Variants in CNTN4 observed in about 807,000 individuals in gnomAD.
The protein encoded by CNTN4 is contactin-4.
A neutral mutation model predicts 122.5 loss-of-function variants in CNTN4; 77 were observed. The ratio of observed to expected loss-of-function variants is 0.63; its 90% confidence interval spans 0.52 to 0.76. CNTN4 has a LOEUF of 0.76. CNTN4 is among the 30% of genes least tolerant of loss of function. The pLI is 0.00. For missense variants in CNTN4, 1,256 were observed against 1,259.1 expected, an observed-to-expected ratio of 1.00 and a Z score of 0.04; for synonymous variants, 512 against 447.0, an observed-to-expected ratio of 1.15 and a Z score of -1.83.
chr3:2,363,272 G>T (rs1236236376), intron 3 of CNTN4, among the ~76,000 whole-genome samples: 1 of 152,118 alleles, frequency 6.6e-6, no homozygotes, highest in African/African-American at 2.4e-5. Flanking sequence ...AACATTCATT[G>T]GTTGTTTACC....
chr3:2,983,087 G>A (rs749757581), intron 13 of CNTN4, among the ~76,000 whole-genome samples: 4 of 151,292 alleles, frequency 2.6e-5, no homozygotes, highest in African/African-American at 7.3e-5. Flanking sequence ...GGTGGCGGGT[G>A]CCTGTAGTCC....
At chr3:2,567,930 C>T (rs1406315587) in intron 3 of CNTN4, among the ~76,000 whole-genome samples, 1 of 152,138 alleles carries the variant, frequency 6.6e-6, no homozygotes, top group African/African-American at 2.4e-5. Context: ...AAACTTACTG[C>T]ACACATTGCA....
At chr3:3,011,330 G>C (rs894002048) in intron 14 of CNTN4, among the ~76,000 whole-genome samples, 1 of 152,150 alleles carries the variant, frequency 6.6e-6, no homozygotes, top group African/African-American at 2.4e-5. Flanking sequence ...CTATCAGTGA[G>C]CTGGTTTAGT....
chr3:2,776,459 G>A (rs1293626884), intron 6 of CNTN4, among the ~76,000 whole-genome samples: 2 of 152,042 alleles, frequency 1.3e-5, no homozygotes, highest in African/African-American at 2.4e-5. Flanking sequence ...AAATAAGGTA[G>A]GAAATTAATC....
chr3:2,243,636 G>A (rs1162537470), intron 2 of CNTN4, among the ~76,000 whole-genome samples: 1 of 152,068 alleles, frequency 6.6e-6, no homozygotes, highest in African/African-American at 2.4e-5. Context: ...AAGCTTATTA[G>A]TAATGAGTAA....
chr3:2,887,141 A>T lies in CNTN4; in HGVS notation c.857A>T (p.Gln286Leu), dbSNP rs1321317067. 6.2e-7 allele frequency: 1 copy of T among 1,614,058 alleles called. No homozygotes were observed. The highest frequency in any genetic ancestry group is 8.5e-7 in the Non-Finnish European group (1 of 1,180,026). Residue 286 changes from glutamine (Q) to leucine (L), a missense_variant, in exon 10 of 25, where the codon CAG becomes CTG. Transcript: ENST00000418658. ...SNGILEIPNFQQEDAGLYECV... is the reference protein window; with the variant it reads ...SNGILEIPNFLQEDAGLYECV... The stretch of plus-strand genomic sequence containing the variant: ...GGAATTCTTGAGATCCCTAATTTTC[A>T]GCAGGAGGATGCTGGTTTATATGAA...
At chr3:2,447,949 C>A (rs1286837304) in intron 3 of CNTN4, among the ~76,000 whole-genome samples, 19 of 151,988 alleles carry the variant, frequency 1.3e-4, no homozygotes, top group Non-Finnish European at 2.9e-5. Context: ...ATATTCAATT[C>A]ATAAAAAAGA....
chr3:2,497,953 C>G (rs1008053127), intron 3 of CNTN4, among the ~76,000 whole-genome samples: 9 of 152,170 alleles, frequency 5.9e-5, no homozygotes, highest in African/African-American at 2.2e-4. Flanking sequence ...TACTCTTTTT[C>G]TCTACCTTTC....
chr3:2,602,684 A>T (rs917428811), intron 4 of CNTN4, among the ~76,000 whole-genome samples: 2 of 152,198 alleles, frequency 1.3e-5, no homozygotes, highest in Non-Finnish European at 2.9e-5. Flanking sequence ...TTATAGATTC[A>T]ATGTCATCCC....
chr3:2,935,070 AG>A (rs2094556438), intron 13 of CNTN4, among the ~76,000 whole-genome samples: 2 of 152,186 alleles, frequency 1.3e-5, no homozygotes, highest in Admixed American at 1.3e-4. Flanking sequence ...CAGAATCCAC[AG>A]GCCCAGTCCT....
At chr3:2,332,488 G>C (rs2043772114) in intron 2 of CNTN4, among the ~76,000 whole-genome samples, 1 of 152,034 alleles carries the variant, frequency 6.6e-6, no homozygotes, top group Non-Finnish European at 1.5e-5. Flanking sequence ...CTTAAGAAGA[G>C]TAACTTCTGT....
intron 4 of CNTN4, among the ~76,000 whole-genome samples, chr3:2,580,882 A>G (rs1436465344): frequency 9.2e-5 from 14 of 152,208 alleles, no homozygotes; most frequent in Non-Finnish European, 1.5e-5. Flanking sequence ...TGACCTACCA[A>G]TAAAACCAGA....
At chr3:2,272,669 C>T (rs531574501) in intron 2 of CNTN4, among the ~76,000 whole-genome samples, 44 of 152,218 alleles carry the variant, frequency 2.9e-4, no homozygotes, top group African/African-American at 1.0e-3. Flanking sequence ...TTTCCATAGG[C>T]GTCTTTGAGC....
intron 3 of CNTN4, among the ~76,000 whole-genome samples, chr3:2,340,702 T>G (rs1306660892): frequency 0.019 from 266 of 14,294 alleles, 3 homozygotes; most frequent in Middle Eastern, 0.1. Flanking sequence ...TATATATATA[T>G]ATATATATAG....
At chr3:2,245,111 C>T (rs1032743608) in intron 2 of CNTN4, among the ~76,000 whole-genome samples, 1 of 151,970 alleles carries the variant, frequency 6.6e-6, no homozygotes, top group Admixed American at 6.6e-5. Context: ...AAATTTATCA[C>T]TGTTTCAAAC....
At chr3:2,134,114 C>T (rs66874548) in intron 2 of CNTN4, among the ~76,000 whole-genome samples, 8,775 of 152,232 alleles carry the variant, frequency 0.058, 440 homozygotes, top group East Asian at 0.25. Flanking sequence ...AATGTACCGA[C>T]CTCCATTAAG....
chr3:3,003,028 G>A (rs1226141145), intron 14 of CNTN4, among the ~76,000 whole-genome samples: 2 of 152,134 alleles, frequency 1.3e-5, no homozygotes, highest in East Asian at 3.9e-4. Flanking sequence ...AAAATGTGAT[G>A]ATCTTGCCAG....
At chr3:2,122,264 C>G (rs949469689) in intron 2 of CNTN4, among the ~76,000 whole-genome samples, 3 of 152,042 alleles carry the variant, frequency 2.0e-5, no homozygotes, top group Non-Finnish European at 2.9e-5. Context: ...TCACTTTCTG[C>G]TAACTCTTTT....
intron 13 of CNTN4, among the ~76,000 whole-genome samples, chr3:2,986,723 C>G (rs1577514203): frequency 6.6e-6 from 1 of 152,184 alleles, no homozygotes; most frequent in East Asian, 1.9e-4. Flanking sequence ...CCAAGTGGTT[C>G]AACCACTCTG....
Sources: gnomAD v4.1 joint callset for allele counts (sites outside exome capture counted in the v4.1 genomes callset) on GRCh38, gnomAD v4.1.1 for gene constraint, MANE v1.5 for transcripts, NCBI Gene and HGNC (gene_info 2026-07-23, HGNC 2026-07-21) for gene names.